DLG2: variants seen among roughly 807,000 people sequenced by gnomAD.
DLG2 encodes disks large homolog 2.
DLG2 carries 45 observed loss-of-function variants against 132.5 expected under a neutral mutation model. The ratio of observed to expected loss-of-function variants is 0.34; its 90% CI spans 0.27 to 0.44. DLG2 has a LOEUF of 0.44. Ranked by LOEUF, DLG2 falls within the 20% of genes least tolerant of loss-of-function variation. DLG2 has a pLI of 1.00. For synonymous variants in DLG2, 424 were observed against 419.6 expected, an observed-to-expected ratio of 1.01 and a Z score of -0.13; for missense variants, 1,045 against 1,196.9, an observed-to-expected ratio of 0.87 and a Z score of 1.87.
chr11:84,394,554 C>G (rs80125860), intron 7 of DLG2, among the ~76,000 whole-genome samples: 8,538 of 152,094 alleles, frequency 0.056, 776 homozygotes, highest in African/African-American at 0.19. Flanking sequence ...AATCTGTTTA[C>G]AATTCTTGTT....
intron 7 of DLG2, among the ~76,000 whole-genome samples, chr11:84,374,946 G>A (rs189573299): frequency 2.0e-5 from 3 of 152,114 alleles, no homozygotes; most frequent in Admixed American, 6.5e-5. Flanking sequence ...AATACAATAT[G>A]TATTTTATAA....
At chr11:85,024,889 G>A (rs1045298387) in intron 6 of DLG2, among the ~76,000 whole-genome samples, 4 of 152,140 alleles carry the variant, frequency 2.6e-5, no homozygotes, top group African/African-American at 4.8e-5. Flanking sequence ...GTGGAAGTGC[G>A]TTCTGTCAAA....
chr11:85,171,534 T>C (rs1474315390), intron 4 of DLG2, among the ~76,000 whole-genome samples: 1 of 152,152 alleles, frequency 6.6e-6, no homozygotes, highest in African/African-American at 2.4e-5. Context: ...AATCTGGCCC[T>C]GGGAATTCCA....
At chr11:85,158,053 TC>T (rs1164274526) in intron 4 of DLG2, among the ~76,000 whole-genome samples, 1 of 152,036 alleles carries the variant, frequency 6.6e-6, no homozygotes, top group East Asian at 1.9e-4. Flanking sequence ...CCTGTTTGCT[TC>T]TAGACTTATA....
chr11:85,224,192 T>A (rs1228875820), intron 4 of DLG2, among the ~76,000 whole-genome samples: 1 of 152,162 alleles, frequency 6.6e-6, no homozygotes, highest in Non-Finnish European at 1.5e-5. Context: ...CTCTCCCATA[T>A]GAATTTCTAG....
chr11:85,067,203 T>C (rs558746092), intron 6 of DLG2, among the ~76,000 whole-genome samples: 6 of 152,012 alleles, frequency 3.9e-5, no homozygotes, highest in South Asian at 4.1e-4. Flanking sequence ...CCCTTTATCA[T>C]TTTTTATTGC....
At chr11:85,063,774 G>A (rs902867061) in intron 6 of DLG2, among the ~76,000 whole-genome samples, 2 of 151,750 alleles carry the variant, frequency 1.3e-5, no homozygotes, top group African/African-American at 2.4e-5. Flanking sequence ...AAAGTCATTT[G>A]ATAAGAAGCA....
chr11:85,062,898 T>C (rs1463644273), intron 6 of DLG2, among the ~76,000 whole-genome samples: 1 of 151,798 alleles, frequency 6.6e-6, no homozygotes, highest in Non-Finnish European at 1.5e-5. Context: ...CTAAGCAGTA[T>C]ACAACATTTT....
At chr11:84,733,392 T>G (rs2063410186) in intron 6 of DLG2, among the ~76,000 whole-genome samples, 1 of 152,236 alleles carries the variant, frequency 6.6e-6, no homozygotes, top group Admixed American at 6.5e-5. Flanking sequence ...TGATGGCCAG[T>G]GATGATGAGC....
chr11:84,352,576 G>T (rs991755363), intron 7 of DLG2, among the ~76,000 whole-genome samples: 2 of 152,188 alleles, frequency 1.3e-5, no homozygotes, highest in African/African-American at 4.8e-5. Flanking sequence ...TCCTGCGGGA[G>T]ATTTGTGGGT....
At chr11:85,447,575 C>T (rs73491954) in intron 3 of DLG2, among the ~76,000 whole-genome samples, 1 of 152,124 alleles carries the variant, frequency 6.6e-6, no homozygotes, top group East Asian at 1.9e-4. Context: ...CCACCTTGAT[C>T]TTGGAATATT....
rs371539392 is a variant in DLG2, at chr11:84,271,009, G to A, written c.520-19718C>T. 3.4e-3 allele frequency among the ~76,000 whole-genome samples: 510 copies of A among 152,226 alleles called. 2 individuals are homozygous for A. Among genetic ancestry groups the A allele is most frequent in the Non-Finnish European group, 5.9e-3 (398 of 68,004 alleles). On this transcript the variant is annotated intron_variant, in intron 7 of 27. Coordinates refer to ENST00000376104, the MANE Select transcript of DLG2 (RefSeq NM_001142699.3). ...TCCATACAAGTGAAAATACATGTGT[G>A]TACATGAAATACATATCATTGGGTT...
chr11:85,161,875 A>G (rs1460172574), intron 4 of DLG2, among the ~76,000 whole-genome samples: 1 of 152,102 alleles, frequency 6.6e-6, no homozygotes, highest in South Asian at 2.1e-4. Context: ...GTATGCTACT[A>G]TTTCTCCCAT....
chr11:85,280,261 GGTCCAGGAATTGTACTCAGCACTTTACAT>G (rs2078145497), intron 4 of DLG2, among the ~76,000 whole-genome samples: 1 of 151,918 alleles, frequency 6.6e-6, no homozygotes, highest in South Asian at 2.1e-4. Flanking sequence ...CCATTTCCTA[GGTCCAGGAATTGTACTCAGCACTTTACAT>G]GCCTGATAGC....
chr11:84,933,604 T>C (rs2048347686), intron 6 of DLG2, among the ~76,000 whole-genome samples: 1 of 152,182 alleles, frequency 6.6e-6, no homozygotes. Flanking sequence ...TTCCTAGGTA[T>C]TTTATTCTTT....
chr11:85,387,134 T>G (rs1305807554), intron 3 of DLG2, among the ~76,000 whole-genome samples: 1 of 152,128 alleles, frequency 6.6e-6, no homozygotes, highest in Non-Finnish European at 1.5e-5. Context: ...GTGATCCACC[T>G]GCCTCAGACT....
At chr11:84,048,327 T>G (rs1411224995) in intron 11 of DLG2, among the ~76,000 whole-genome samples, 1 of 151,608 alleles carries the variant, frequency 6.6e-6, no homozygotes, top group Non-Finnish European at 1.5e-5. Flanking sequence ...TATACTCAAG[T>G]AAATTTCCTT....
intron 6 of DLG2, among the ~76,000 whole-genome samples, chr11:84,537,902 T>G (rs1319184908): frequency 1.3e-5 from 2 of 152,238 alleles, no homozygotes; most frequent in East Asian, 3.8e-4. Flanking sequence ...TTTTTCACTA[T>G]AAAATGCTGT....
At chr11:84,767,377 C>T (rs1045568628) in intron 6 of DLG2, among the ~76,000 whole-genome samples, 3 of 151,888 alleles carry the variant, frequency 2.0e-5, no homozygotes, top group Non-Finnish European at 4.4e-5. Context: ...CATAAACTAC[C>T]ACGTTTATGG....
Sources: gnomAD v4.1 joint callset for allele counts (sites outside exome capture counted in the v4.1 genomes callset) on GRCh38, gnomAD v4.1.1 for gene constraint, MANE v1.5 for transcripts, NCBI Gene and HGNC (gene_info 2026-07-23, HGNC 2026-07-21) for gene names.